COL26A1: variants seen among roughly 807,000 people sequenced by gnomAD.
COL26A1 encodes collagen alpha-1(XXVI) chain.
In COL26A1, 41 loss-of-function variants were observed where a neutral mutation model predicts 59.3. That is an observed-to-expected ratio of 0.69 (90% confidence interval 0.54 to 0.90). COL26A1 has a LOEUF of 0.90. Ranked by LOEUF, COL26A1 falls within the 40% of genes least tolerant of loss-of-function variation. COL26A1 has a pLI of 0.00. For missense variants in COL26A1, 612 were observed against 602.3 expected, an observed-to-expected ratio of 1.02 and a Z score of -0.17; for synonymous variants, 266 against 256.0, an observed-to-expected ratio of 1.04 and a Z score of -0.37.
At chr7:101,523,209 A>G (rs1795174449) in intron 3 of COL26A1, among the ~76,000 whole-genome samples, 1 of 151,584 alleles carries the variant, frequency 6.6e-6, no homozygotes. Flanking sequence ...AGCTGGGATT[A>G]CAGGCATGCG....
intron 3 of COL26A1, among the ~76,000 whole-genome samples, chr7:101,507,339 C>G (rs1373954897): frequency 6.6e-6 from 1 of 152,214 alleles, no homozygotes; most frequent in African/African-American, 2.4e-5. Flanking sequence ...TGCAAGGGAT[C>G]CCCAACATCC....
chr7:101,464,918 C>G (rs962959700), intron 3 of COL26A1, among the ~76,000 whole-genome samples: 3 of 151,750 alleles, frequency 2.0e-5, no homozygotes, highest in African/African-American at 7.3e-5. Flanking sequence ...CGCTATGTTG[C>G]CCAGGCTGGT....
At chr7:101,497,787 C>G (rs1291140417) in intron 3 of COL26A1, among the ~76,000 whole-genome samples, 1 of 152,194 alleles carries the variant, frequency 6.6e-6, no homozygotes, top group Non-Finnish European at 1.5e-5. Flanking sequence ...TCAAGACCAG[C>G]TTGGGCAACA....
chr7:101,449,101 G>C (rs1793268982), intron 3 of COL26A1, among the ~76,000 whole-genome samples: 1 of 152,200 alleles, frequency 6.6e-6, no homozygotes. Context: ...GGCAGGGGAG[G>C]CTGGGCTATC....
At chr7:101,398,151 A>G (rs904645172) in intron 1 of COL26A1, among the ~76,000 whole-genome samples, 2 of 152,182 alleles carry the variant, frequency 1.3e-5, no homozygotes, top group African/African-American at 4.8e-5. Flanking sequence ...GCTGTGTACT[A>G]TTCCACTGCA....
chr7:101,492,696 CAAAA>C (rs1228882286), intron 3 of COL26A1, among the ~76,000 whole-genome samples: 5 of 134,004 alleles, frequency 3.7e-5, no homozygotes, highest in South Asian at 2.4e-4. Flanking sequence ...GACTCTGTCT[CAAAA>C]AATAAATAAA....
At chr7:101,448,668 A>G (rs921765871) in intron 3 of COL26A1, among the ~76,000 whole-genome samples, 1 of 151,624 alleles carries the variant, frequency 6.6e-6, no homozygotes, top group Non-Finnish European at 1.5e-5. Flanking sequence ...ATTTTTTTGT[A>G]TGATTTTTAG....
At chr7:101,522,816 T>C (rs1009910368) in intron 3 of COL26A1, among the ~76,000 whole-genome samples, 1 of 139,476 alleles carries the variant, frequency 7.2e-6, no homozygotes, top group African/African-American at 2.7e-5. Flanking sequence ...TCTCTAATAC[T>C]TGGTTAAAAA....
chr7:101,387,788 A>C (rs1159995499), intron 1 of COL26A1, among the ~76,000 whole-genome samples: 31 of 54,806 alleles, frequency 5.7e-4, no homozygotes, highest in Admixed American at 5.4e-3. Context: ...ATTTTTTTTT[A>C]AGACAGAGTC....
chr7:101,522,388 A>G (rs1361244166), intron 3 of COL26A1, among the ~76,000 whole-genome samples: 1 of 152,226 alleles, frequency 6.6e-6, no homozygotes, highest in Non-Finnish European at 1.5e-5. Flanking sequence ...AATATTGGAC[A>G]CTGGGTAATT....
chr7:101,391,854 C>CTTTCTATTCTTTTCT (rs1791736509), intron 1 of COL26A1, among the ~76,000 whole-genome samples: 1 of 149,238 alleles, frequency 6.7e-6, no homozygotes, highest in Non-Finnish European at 1.5e-5. Flanking sequence ...CATGCCAAGC[C>CTTTCTATTCTTTTCT]TTTCTTTTCT....
chr7:101,391,153 A>G (rs2130150027), intron 1 of COL26A1, among the ~76,000 whole-genome samples: 1 of 152,262 alleles, frequency 6.6e-6, no homozygotes, highest in South Asian at 2.1e-4. Flanking sequence ...AAAGAAAAAC[A>G]TGGCCTGTTT....
At chr7:101,436,844 T>C (rs1419029518) in intron 2 of COL26A1, among the ~76,000 whole-genome samples, 5 of 151,986 alleles carry the variant, frequency 3.3e-5, no homozygotes, top group African/African-American at 7.2e-5. Flanking sequence ...GCCCCCTGAG[T>C]AGCTGGGATT....
intron 3 of COL26A1, among the ~76,000 whole-genome samples, chr7:101,489,141 T>G (rs771515466): frequency 7.2e-5 from 11 of 152,220 alleles, no homozygotes; most frequent in Non-Finnish European, 1.5e-4. Flanking sequence ...TGACACATGT[T>G]CATTTTCTAC....
At chr7:101,432,103 GA>G (rs1376380935) in intron 2 of COL26A1, among the ~76,000 whole-genome samples, 1 of 151,744 alleles carries the variant, frequency 6.6e-6, no homozygotes, top group East Asian at 1.9e-4. Flanking sequence ...GGGGATTACA[GA>G]TGCCCGCCAC....
intron 1 of COL26A1, among the ~76,000 whole-genome samples, chr7:101,373,879 C>T (rs531614020): frequency 6.6e-6 from 1 of 152,180 alleles, no homozygotes; most frequent in Non-Finnish European, 1.5e-5. Flanking sequence ...TTTTAAAATC[C>T]ATTCCCAGAG....
rs1249887100 is a variant in COL26A1 at position 101,558,465 on chromosome 7, C to T, written c.*935C>T. 6.6e-6 allele frequency: 1 copy of T among 152,252 alleles called. No individual in the cohort carries two copies. Among genetic ancestry groups the T allele is most frequent in the Non-Finnish European group, 1.5e-5 (1 of 68,080 alleles). 9.4% of individuals were successfully genotyped at this position (152,252 alleles called of 1,614,324 possible). On this transcript the variant is annotated 3_prime_UTR_variant, in exon 13 of 13. Transcript: ENST00000313669. ...AGAGGTGGGACTTGCAGCCTCTGCC[C>T]CACGAGTTTGTCTCTCAGTGGACTC...
chr7:101,558,717 C>T lies in COL26A1; in HGVS notation c.*1187C>T, dbSNP rs1013903190. On this transcript the variant is annotated 3_prime_UTR_variant, in exon 13 of 13. Transcript: ENST00000313669. Reference sequence around the variant, plus strand: ...GGGGCCAGGGTCTCCGTGATCAGCTCAGCCCTGGTGTTCCTCTCTTGCTGG... The same window carrying T: ...GGGGCCAGGGTCTCCGTGATCAGCTTAGCCCTGGTGTTCCTCTCTTGCTGG... The T allele has an allele frequency of 6.6e-6, 1 of 152,322 alleles. No individual in the cohort carries two copies. The highest frequency in any genetic ancestry group is 2.4e-5 in the African/African-American group (1 of 41,458). 9.4% of individuals were successfully genotyped at this position (152,322 alleles called of 1,614,324 possible). A position where few individuals can be genotyped will look rare whatever the true frequency, so the allele number is the denominator to read the frequency against.
intron 3 of COL26A1, among the ~76,000 whole-genome samples, chr7:101,527,988 T>A (rs1340162961): frequency 6.6e-6 from 1 of 152,172 alleles, no homozygotes; most frequent in African/African-American, 2.4e-5. Context: ...TAAACAAACA[T>A]GCTTTAATTG....
Sources: allele counts gnomAD v4.1 joint callset (sites outside exome capture counted in the v4.1 genomes callset), GRCh38; gene constraint gnomAD v4.1.1; transcripts MANE v1.5; gene names NCBI Gene and HGNC (gene_info 2026-07-23, HGNC 2026-07-21).